RSPH9: variants seen among roughly 807,000 people sequenced by gnomAD.
RSPH9 encodes radial spoke head protein 9 homolog.
In RSPH9, 27 loss-of-function variants were observed where a neutral mutation model predicts 27.0. The observed-to-expected ratio is 1.00, with a 90% CI of 0.74 to 1.38. The LOEUF is 1.38. Ranked by LOEUF, RSPH9 falls within the 40% of genes most tolerant of loss-of-function variation. The pLI is 0.00. For synonymous variants in RSPH9, 145 were observed against 147.7 expected (o/e 0.98, Z 0.13); for missense variants, 347 against 357.4 (o/e 0.97, Z 0.24).
At chr6:43,666,361 T>C in intron 4 of RSPH9, 1 of 1,302,144 alleles carries the variant, frequency 7.7e-7, no homozygotes, top group East Asian at 2.5e-5. Context: ...ACACCAGGAC[T>C]GGCTGGAGGG....
chr6:43,662,058 C>T (rs1772684251), intron 4 of RSPH9, among the ~76,000 whole-genome samples: 2 of 152,006 alleles, frequency 1.3e-5, no homozygotes, highest in South Asian at 4.1e-4. Flanking sequence ...TGGCTTATTT[C>T]TTGTAGACAC....
chr6:43,646,685 G>T (rs1047600967), intron 1 of RSPH9, among the ~76,000 whole-genome samples: 4 of 148,660 alleles, frequency 2.7e-5, no homozygotes, highest in African/African-American at 9.9e-5. Flanking sequence ...AAAAAAGGCA[G>T]GGTGTGGTGG....
intron 4 of RSPH9, among the ~76,000 whole-genome samples, chr6:43,668,428 AC>A (rs781223222): frequency 3.4e-4 from 52 of 151,558 alleles, no homozygotes; most frequent in Non-Finnish European, 6.0e-4. Flanking sequence ...CTCCACCAGC[AC>A]CCTCCCGCCT....
intron 2 of RSPH9, among the ~76,000 whole-genome samples, chr6:43,651,553 T>G (rs748660994): frequency 3.3e-5 from 5 of 152,104 alleles, no homozygotes; most frequent in African/African-American, 4.8e-5. Context: ...TCTTTCTTTC[T>G]TTTTCTTTTT....
intron 1 of RSPH9, 86 bp downstream of exon 1, chr6:43,645,411 CGGGGCCCATG>C: frequency 1.3e-6 from 1 of 777,230 alleles, no homozygotes; most frequent in Admixed American, 2.8e-5. Context: ...TTGAAAGGGG[CGGGGCCCATG>C]GGGCCAAGGG....
At chr6:43,655,714 C>T (rs1369219547) in intron 3 of RSPH9, 23 bp downstream of exon 3, 2 of 1,613,998 alleles carry the variant, frequency 1.2e-6, no homozygotes, top group African/African-American at 2.7e-5. Context: ...GGGCCCCTCT[C>T]AAGGGCTGGG....
At chr6:43,668,785 A>G (rs1020728593) in intron 4 of RSPH9, among the ~76,000 whole-genome samples, 4 of 152,334 alleles carry the variant, frequency 2.6e-5, no homozygotes, top group African/African-American at 9.6e-5. Context: ...CAGTAGGCAG[A>G]TAGAGATGAG....
At chr6:43,659,442 G>T (rs1335014076) in intron 4 of RSPH9, among the ~76,000 whole-genome samples, 2 of 151,378 alleles carry the variant, frequency 1.3e-5, no homozygotes, top group Non-Finnish European at 2.9e-5. Context: ...GAGTGCAGTG[G>T]TGCGATCTCG....
intron 4 of RSPH9, among the ~76,000 whole-genome samples, chr6:43,660,578 C>A (rs545822618): frequency 6.6e-6 from 1 of 152,232 alleles, no homozygotes; most frequent in African/African-American, 2.4e-5. Context: ...ATTCTTCTGC[C>A]TCAGCCTCCC....
intron 2 of RSPH9, 116 bp from the exon 3 acceptor site, chr6:43,655,446 G>A: frequency 9.0e-7 from 1 of 1,108,486 alleles, no homozygotes; most frequent in East Asian, 2.3e-5. Flanking sequence ...GATCTGTGTG[G>A]CTCTGGGGTC....
chr6:43,649,946 CAG>C (rs560941321), intron 1 of RSPH9, among the ~76,000 whole-genome samples: 80 of 152,234 alleles, frequency 5.3e-4, no homozygotes, highest in African/African-American at 1.5e-3. Context: ...TTCTTTTAGA[CAG>C]AGTCTTGCTC....
chr6:43,651,568 A>G (rs1771471878), intron 2 of RSPH9, among the ~76,000 whole-genome samples: 1 of 151,932 alleles, frequency 6.6e-6, no homozygotes, highest in Admixed American at 6.6e-5. Flanking sequence ...CTTTTTTTTG[A>G]GACGGAGTCT....
chr6:43,658,107 TGGCAAAACCCC>T (rs1438350707), intron 4 of RSPH9, among the ~76,000 whole-genome samples: 1 of 152,008 alleles, frequency 6.6e-6, no homozygotes, highest in Non-Finnish European at 1.5e-5. Context: ...CTGGCCAACA[TGGCAAAACCCC>T]GTCTCTACTA....
chr6:43,665,382 T>C (rs1470206074), intron 4 of RSPH9, among the ~76,000 whole-genome samples: 1 of 152,244 alleles, frequency 6.6e-6, no homozygotes, highest in Non-Finnish European at 1.5e-5. Context: ...CCCATGCCTA[T>C]AATTCCAGTG....
At chr6:43,653,340 G>A (rs556131316) in intron 2 of RSPH9, among the ~76,000 whole-genome samples, 18 of 151,814 alleles carry the variant, frequency 1.2e-4, no homozygotes, top group African/African-American at 3.9e-4. Flanking sequence ...CCAGCTACTC[G>A]GGAGGCTGAG....
intron 4 of RSPH9, among the ~76,000 whole-genome samples, chr6:43,668,259 T>C (rs1773348717): frequency 6.6e-6 from 1 of 152,166 alleles, no homozygotes; most frequent in South Asian, 2.1e-4. Flanking sequence ...AGCAAGTGCT[T>C]GGCTCTTCAG....
intron 3 of RSPH9, among the ~76,000 whole-genome samples, chr6:43,656,376 G>A (rs1232787583): frequency 3.9e-5 from 6 of 152,074 alleles, no homozygotes; most frequent in East Asian, 3.9e-4. Context: ...ATGAACCATC[G>A]TGCCTGGCTG....
At chr6:43,655,466 G>A in intron 2 of RSPH9, 96 bp from the exon 3 acceptor site, 1 of 1,389,856 alleles carries the variant, frequency 7.2e-7, no homozygotes, top group Non-Finnish European at 1.0e-6. Context: ...CCACTACACT[G>A]CAGTGGTGCG....
chr6:43,672,525 T>G lies in RSPH9; in HGVS notation c.*1576T>G, dbSNP rs544822676. 1 of 438,574 alleles carries G rather than the reference T, an allele frequency of 2.3e-6. No individual in the cohort carries two copies. Among genetic ancestry groups the G allele is most frequent in the Non-Finnish European group, 4.8e-6 (1 of 207,842 alleles). The allele number at this position is 438,574 out of a possible 1,614,324, so 27.2% of individuals were successfully genotyped here. A position where few individuals can be genotyped will look rare whatever the true frequency, so the allele number is the denominator to read the frequency against. On this transcript the variant is annotated 3_prime_UTR_variant, in exon 5 of 5. Coordinates refer to ENST00000372163, the MANE Select transcript of RSPH9 (RefSeq NM_152732.5). ...CCTTTGGGGATGGCCAGGGCCCTGA[T>G]AGTTCCCAGAAAAGTGGCTCATGCC...
Sources: allele counts gnomAD v4.1 joint callset (sites outside exome capture counted in the v4.1 genomes callset), GRCh38; gene constraint gnomAD v4.1.1; transcripts MANE v1.5; gene names NCBI Gene and HGNC (gene_info 2026-07-23, HGNC 2026-07-21).